ACTL8: variants seen among roughly 807,000 people sequenced by gnomAD.
ACTL8 encodes actin-like protein 8.
Under a neutral mutation model 9.3 loss-of-function variants are expected in ACTL8, and 3 were observed. The observed-to-expected ratio is 0.32, with a 90% CI of 0.15 to 0.83. The LOEUF is 0.83. ACTL8 is among the 40% of genes least tolerant of loss of function. ACTL8 has a pLI of 0.57. For missense variants in ACTL8, 381 were observed against 492.2 expected (o/e 0.77, Z 2.14); for synonymous variants, 224 against 205.9 (o/e 1.09, Z -0.75).
At chr1:17,771,266 T>A (rs1025421998) in intron 1 of ACTL8, among the ~76,000 whole-genome samples, 1 of 152,214 alleles carries the variant, frequency 6.6e-6, no homozygotes, top group Non-Finnish European at 1.5e-5. Flanking sequence ...TTTCAGATAC[T>A]TTTCATGTGT....
At chr1:17,817,657 C>T (rs976715644) in intron 1 of ACTL8, among the ~76,000 whole-genome samples, 4 of 152,030 alleles carry the variant, frequency 2.6e-5, no homozygotes, top group African/African-American at 9.7e-5. Context: ...TACACTACAT[C>T]TCTTCATGAC....
intron 1 of ACTL8, among the ~76,000 whole-genome samples, chr1:17,820,641 CA>C (rs2053649342): frequency 6.6e-6 from 1 of 150,940 alleles, no homozygotes; most frequent in Admixed American, 6.6e-5. Flanking sequence ...GATCTTGGCT[CA>C]CCGCAACCTC....
chr1:17,757,378 C>CAT (rs2102671012), intron 1 of ACTL8, among the ~76,000 whole-genome samples: 1 of 152,180 alleles, frequency 6.6e-6, no homozygotes, highest in Admixed American at 6.5e-5. Flanking sequence ...CAAATTAGGG[C>CAT]ATGAATCGTG....
chr1:17,806,417 C>A (rs887099528), intron 1 of ACTL8, among the ~76,000 whole-genome samples: 2 of 152,208 alleles, frequency 1.3e-5, no homozygotes, highest in Middle Eastern at 3.2e-3. Context: ...CCCCCTGTTT[C>A]TCAGTACAGC....
intron 1 of ACTL8, among the ~76,000 whole-genome samples, chr1:17,759,837 TG>T (rs201185818): frequency 0.018 from 2,672 of 152,294 alleles, 32 homozygotes; most frequent in Non-Finnish European, 0.025. Context: ...CTTTCAGCCC[TG>T]GGGGGCAGCA....
intron 1 of ACTL8, among the ~76,000 whole-genome samples, chr1:17,768,205 C>T (rs2066059378): frequency 6.9e-6 from 1 of 145,020 alleles, no homozygotes; most frequent in Non-Finnish European, 1.5e-5. Flanking sequence ...GTGTTTCTAG[C>T]AAGATCTGCT....
chr1:17,783,364 TAA>T (rs75523851), intron 1 of ACTL8, among the ~76,000 whole-genome samples: 45 of 141,674 alleles, frequency 3.2e-4, no homozygotes, highest in East Asian at 2.0e-3. Context: ...TTTTTTTTTT[TAA>T]AAAAACTCCA....
intron 1 of ACTL8, among the ~76,000 whole-genome samples, chr1:17,769,195 G>T (rs2066066737): frequency 6.6e-6 from 1 of 152,136 alleles, no homozygotes; most frequent in African/African-American, 2.4e-5. Context: ...GTCCTGTTGA[G>T]CGCCTTGATT....
rs907263535 is a variant in ACTL8 at position 17,767,301 on chromosome 1, G to A, written c.-25+11797G>A. Among the ~76,000 whole-genome samples, 2 of 152,182 alleles carry A rather than the reference G, an allele frequency of 1.3e-5. No individual in the cohort carries two copies. Among genetic ancestry groups the A allele is most frequent in the South Asian group, 2.1e-4 (1 of 4,820 alleles). On this transcript the variant is annotated intron_variant, in intron 1 of 2. Coordinates refer to ENST00000375406, the MANE Select transcript of ACTL8 (RefSeq NM_030812.3). This position sits in a 1 kb window ranked among gnomAD's most constrained non-coding sequence, Gnocchi z 4.7. ...GGGGTTGCATCGGATGATAGGATCC[G>A]ACTTCGCTGCTGGAGACAGAGCCGG...
chr1:17,817,721 G>A (rs1274699768), intron 1 of ACTL8, among the ~76,000 whole-genome samples: 1 of 147,398 alleles, frequency 6.8e-6, no homozygotes, highest in South Asian at 2.1e-4. Context: ...TTTTTTTCGA[G>A]ATGGAGTCTC....
intron 1 of ACTL8, among the ~76,000 whole-genome samples, chr1:17,782,856 G>C (rs1378986953): frequency 6.6e-6 from 1 of 152,204 alleles, no homozygotes; most frequent in Non-Finnish European, 1.5e-5. Context: ...TGCTGAATCT[G>C]TGTGAAGCTA....
intron 1 of ACTL8, among the ~76,000 whole-genome samples, chr1:17,817,707 TTTC>T (rs2124189583): frequency 6.6e-6 from 1 of 151,384 alleles, no homozygotes; most frequent in East Asian, 1.9e-4. Context: ...CTTTCTTTCT[TTTC>T]TTTTTTTCGA....
At chr1:17,800,903 CAATCTT>C (rs1395125031) in intron 1 of ACTL8, among the ~76,000 whole-genome samples, 2 of 151,970 alleles carry the variant, frequency 1.3e-5, no homozygotes, top group African/African-American at 2.4e-5. Context: ...ACCTTGGTGT[CAATCTT>C]AAGAGAAATA....
At chr1:17,819,625 T>C (rs1417329955) in intron 1 of ACTL8, among the ~76,000 whole-genome samples, 2 of 152,232 alleles carry the variant, frequency 1.3e-5, no homozygotes, top group East Asian at 3.8e-4. Flanking sequence ...AACACCCACA[T>C]ACAGTCTAGG....
chr1:17,821,685 G>T (rs1046841910), intron 1 of ACTL8, among the ~76,000 whole-genome samples: 1 of 151,932 alleles, frequency 6.6e-6, no homozygotes, highest in Non-Finnish European at 1.5e-5. Flanking sequence ...CTGGAGTGCA[G>T]TGGCACAATC....
chr1:17,815,445 T>G (rs1335897046), intron 1 of ACTL8, among the ~76,000 whole-genome samples: 4 of 152,200 alleles, frequency 2.6e-5, no homozygotes, highest in Non-Finnish European at 4.4e-5. Flanking sequence ...ATATCTCTTT[T>G]CTTTCAGTCC....
Position 17,825,895 on chromosome 1 carries a change from T to A in ACTL8, c.477T>A (p.Pro159=), listed in dbSNP as rs377141048. Residue 159 remains proline, a synonymous_variant, in exon 3 of 3, where the codon CCT becomes CCA. Transcript: ENST00000375406. ...GCTATGGCCTGACCCGCGTGCAGCC[T>A]TTCCACCAGGGCCGCCCCTTGCCCG... ...DSGYGLTRVQ[P]FHQGRPLPAS... is the part of the protein sequence containing the mutation. The A allele has an allele frequency of 6.1e-5, 98 of 1,613,416 alleles. No homozygotes were observed. The highest frequency in any genetic ancestry group is 7.4e-5 in the Non-Finnish European group (87 of 1,180,024).
At chr1:17,821,525 T>C (rs2053659632) in intron 1 of ACTL8, among the ~76,000 whole-genome samples, 1 of 152,242 alleles carries the variant, frequency 6.6e-6, no homozygotes, top group Non-Finnish European at 1.5e-5. Flanking sequence ...CTGTCCTTTC[T>C]CCATTTAATT....
chr1:17,808,096 C>T (rs1030464052), intron 1 of ACTL8, among the ~76,000 whole-genome samples: 16 of 152,186 alleles, frequency 1.1e-4, no homozygotes, highest in Admixed American at 9.2e-4. Flanking sequence ...CTAGGACTCA[C>T]TGAGAATGTG....
Sources: allele counts gnomAD v4.1 joint callset (sites outside exome capture counted in the v4.1 genomes callset), GRCh38; gene constraint gnomAD v4.1.1; non-coding constraint Gnocchi (gnomAD v3.1); transcripts MANE v1.5; gene names NCBI Gene and HGNC (gene_info 2026-07-23, HGNC 2026-07-21).